VWA3A: variants seen among roughly 807,000 people sequenced by gnomAD.
VWA3A encodes the protein von Willebrand factor A domain containing 3A, also known as von Willebrand factor A domain-containing protein 3A.
In VWA3A, 134 loss-of-function variants were observed where a neutral mutation model predicts 160.4. That is an observed-to-expected ratio of 0.84 (90% CI 0.73 to 0.96). VWA3A has a LOEUF of 0.96. VWA3A is among the 40% of genes least tolerant of loss of function. VWA3A has a pLI of 0.00. For missense variants in VWA3A, 1,310 were observed against 1,447.9 expected, an observed-to-expected ratio of 0.90 and a Z score of 1.55; for synonymous variants, 476 against 543.4, an observed-to-expected ratio of 0.88 and a Z score of 1.72.
At chr16:22,130,655 G>A (rs2045931481) in intron 17 of VWA3A, among the ~76,000 whole-genome samples, 1 of 152,120 alleles carries the variant, frequency 6.6e-6, no homozygotes, top group Non-Finnish European at 1.5e-5. Flanking sequence ...CCAGACTGGA[G>A]TGCAGTGGCA....
rs1300946128 is a variant in VWA3A, at chr16:22,148,145, C to T, written c.2840-17C>T. ...CCTCACTCCCTCCCTGCCTCTTCCCCACCTGTCTCGGAGCAGGGAGCCGCC... is the reference window on the plus strand; with the variant it reads ...CCTCACTCCCTCCCTGCCTCTTCCCTACCTGTCTCGGAGCAGGGAGCCGCC... On this transcript the variant is annotated splice_polypyrimidine_tract_variant and intron_variant, in intron 27 of 33. Transcript: ENST00000389398. The T allele has an allele frequency of 6.3e-7, 1 of 1,587,380 alleles. No individual in the cohort carries two copies. The highest frequency in any genetic ancestry group is 8.6e-7 in the Non-Finnish European group (1 of 1,167,108).
chr16:22,113,725 A>C (rs1312209673), intron 8 of VWA3A, among the ~76,000 whole-genome samples: 1 of 151,948 alleles, frequency 6.6e-6, no homozygotes, highest in African/African-American at 2.4e-5. Flanking sequence ...CAGCCTCCCC[A>C]GTAGCAGGGA....
At chr16:22,143,738 T>C (rs1445593442) in intron 25 of VWA3A, among the ~76,000 whole-genome samples, 3 of 131,626 alleles carry the variant, frequency 2.3e-5, no homozygotes, top group Non-Finnish European at 4.5e-5. Context: ...TATTTCTTTC[T>C]TTCTTTCTTT....
intron 32 of VWA3A, 65 bp downstream of exon 32, chr16:22,155,729 C>T (rs960734180): frequency 4.2e-5 from 67 of 1,602,150 alleles, no homozygotes; most frequent in Middle Eastern, 1.8e-4. Context: ...CCCCGGACCC[C>T]ATCGAGAAGG....
rs760082766 is a variant in VWA3A at position 22,133,252 on chromosome 16, G to A, written c.2068+157G>A. 1.7e-4 allele frequency among the ~76,000 whole-genome samples: 26 copies of A among 152,294 alleles called. 1 individual carries two copies. Among genetic ancestry groups the A allele is most frequent in the Non-Finnish European group, 3.1e-4 (21 of 68,020 alleles). ...TCCTCTGAAGATAGATAGCAGTGAT[G>A]GTTGAACAACAATGTGAATGCACTT... On this transcript the variant is annotated intron_variant, in intron 20 of 33. Coordinates refer to ENST00000389398, the MANE Select transcript of VWA3A (RefSeq NM_173615.5).
chr16:22,129,109 G>T (rs1179488259), intron 17 of VWA3A, among the ~76,000 whole-genome samples: 1 of 152,062 alleles, frequency 6.6e-6, no homozygotes, highest in Non-Finnish European at 1.5e-5. Flanking sequence ...GTGCATGGAG[G>T]CTGGGTACAG....
rs541499052 is a variant in VWA3A at position 22,148,036 on chromosome 16, A to G, written c.2840-126A>G. 3 of 1,238,306 alleles carry G rather than the reference A, an allele frequency of 2.4e-6. No individual in the cohort carries two copies. In the South Asian group the frequency reaches 4.7e-5, roughly 19 times the overall value. The allele number at this position is 1,238,306 out of a possible 1,614,324, so 76.7% of individuals were successfully genotyped here. On this transcript the variant is annotated intron_variant, in intron 27 of 33. Transcript: ENST00000389398. Reference sequence around the variant, plus strand: ...GCCGTCTCTCAGTGGGGTGACATCCAATCAATGATCAGGCAGGCAACAGGT... The same window carrying G: ...GCCGTCTCTCAGTGGGGTGACATCCGATCAATGATCAGGCAGGCAACAGGT...
chr16:22,153,007 A>G (rs2046376385), intron 31 of VWA3A, among the ~76,000 whole-genome samples: 1 of 152,252 alleles, frequency 6.6e-6, no homozygotes, highest in African/African-American at 2.4e-5. Flanking sequence ...CTCTTTTAAT[A>G]TTATACCCAT....
chr16:22,118,801 C>A (rs2045686834), intron 11 of VWA3A, 101 bp from the exon 12 acceptor site: 3 of 1,503,922 alleles, frequency 2.0e-6, no homozygotes, highest in African/African-American at 1.4e-5. Flanking sequence ...GAGAGTCTGA[C>A]CCTCTGCCTG....
intron 18 of VWA3A, 132 bp downstream of exon 18, chr16:22,131,411 C>T (rs550800816): frequency 7.0e-7 from 1 of 1,424,060 alleles, no homozygotes; most frequent in South Asian, 1.3e-5. Context: ...GGGCAGAAAT[C>T]AGAAAACAGC....
Position 22,106,590 on chromosome 16 carries a change from G to A in VWA3A, c.484-2892G>A, listed in dbSNP as rs112678577. On this transcript the variant is annotated intron_variant, in intron 6 of 33. Coordinates refer to ENST00000389398, the MANE Select transcript of VWA3A (RefSeq NM_173615.5). Reference sequence around the variant, plus strand: ...TTCCAGAAGCAGCACATGGGCCAGTGCAGCAAGCACAGAGTGAGCTATGTG... The same window carrying A: ...TTCCAGAAGCAGCACATGGGCCAGTACAGCAAGCACAGAGTGAGCTATGTG... Among the ~76,000 whole-genome samples, 427 of 152,226 alleles carry A rather than the reference G, an allele frequency of 2.8e-3. 2 individuals carry two copies. The highest frequency in any genetic ancestry group is 3.8e-3 in the Non-Finnish European group (256 of 68,016).
chr16:22,133,000 C>A lies in VWA3A; in HGVS notation c.1973C>A (p.Pro658His), dbSNP rs1268713309. 5.6e-6 allele frequency: 9 copies of A among 1,613,994 alleles called. No homozygotes were observed. Among genetic ancestry groups the A allele is most frequent in the Non-Finnish European group, 7.6e-6 (9 of 1,179,900 alleles). The change falls in exon 20 of 34, where the codon CCC becomes CAC. Residue 658 changes from proline to histidine, a missense_variant. Pro to His is a moderately conservative substitution (Grantham distance 77). Coordinates refer to ENST00000389398, the MANE Select transcript of VWA3A (RefSeq NM_173615.5). ...YVGEPKMDTT[P>H]PARYASHTDT... ...GGCGAGCCAAAGATGGACACCACAC[C>A]CCCTGCCCGCTATGCCAGTCACACT...
intron 6 of VWA3A, among the ~76,000 whole-genome samples, chr16:22,107,254 AG>A (rs1376959490): frequency 6.6e-6 from 1 of 152,210 alleles, no homozygotes; most frequent in East Asian, 1.9e-4. Context: ...GAGACATTTT[AG>A]GTTGTCATTG....
chr16:22,133,393 C>T (rs1428312905), intron 20 of VWA3A, among the ~76,000 whole-genome samples: 2 of 152,020 alleles, frequency 1.3e-5, no homozygotes, highest in Admixed American at 1.3e-4. Flanking sequence ...GGCTCATACC[C>T]ACAATCCCAG....
intron 11 of VWA3A, among the ~76,000 whole-genome samples, 182 bp from the exon 12 acceptor site, chr16:22,118,720 G>C (rs1438136967): frequency 6.6e-6 from 1 of 152,136 alleles, no homozygotes; most frequent in African/African-American, 2.4e-5. Context: ...CAGGCCAATT[G>C]CACAAACGGA....
intron 1 of VWA3A, among the ~76,000 whole-genome samples, chr16:22,096,604 G>T (rs1156766454): frequency 1.3e-5 from 2 of 152,130 alleles, no homozygotes; most frequent in Non-Finnish European, 2.9e-5. Flanking sequence ...GATTAGCTGG[G>T]CATAGTGGCT....
At chr16:22,118,832 C>T (rs1164407761) in intron 11 of VWA3A, 70 bp from the exon 12 acceptor site, 14 of 1,592,902 alleles carry the variant, frequency 8.8e-6, no homozygotes, top group East Asian at 6.7e-5. Context: ...TGGCTGCTTG[C>T]CCCTTCCTGG....
In VWA3A at chr16:22,156,050, GA is replaced by G; in HGVS notation, c.*34del. 1.0e-6 allele frequency: 1 copy of G among 977,374 alleles called. No individual in the cohort carries two copies. The highest frequency in any genetic ancestry group is 1.7e-5 in the South Asian group (1 of 59,960). 60.5% of individuals were successfully genotyped at this position (977,374 alleles called of 1,614,324 possible). ...TAAACAGAAAAGTCATCCTGCAAAG[GA>G]CCACTCACTGAGCAAATCTCAGCCC... On this transcript the variant is annotated 3_prime_UTR_variant, in exon 34 of 34. Transcript: ENST00000389398.
chr16:22,097,017 G>T, intron 2 of VWA3A, 72 bp downstream of exon 2: 2 of 1,005,298 alleles, frequency 2.0e-6, no homozygotes, highest in South Asian at 3.0e-5. Flanking sequence ...CCAGGCTGGA[G>T]TGCAGTGGCA....
Sources: gnomAD v4.1 joint callset for allele counts (sites outside exome capture counted in the v4.1 genomes callset) on GRCh38, gnomAD v4.1.1 for gene constraint, MANE v1.5 for transcripts, NCBI Gene and HGNC (gene_info 2026-07-23, HGNC 2026-07-21) for gene names.